Variants in ZDHHC18 observed in about 807,000 individuals in gnomAD.
The protein encoded by ZDHHC18 is zDHHC palmitoyltransferase 18.
A neutral mutation model predicts 37.5 loss-of-function variants in ZDHHC18; 23 were observed. That is an observed-to-expected ratio of 0.61 (90% CI 0.44 to 0.87). The LOEUF is 0.87. Among genes scored for constraint, ZDHHC18 ranks in the 40% least tolerant of loss-of-function variants. The probability of loss-of-function intolerance (pLI) is 0.00; values close to 1 mark genes in which losing one functional copy is unlikely to be tolerated. For missense variants in ZDHHC18, 406 were observed against 525.6 expected, an observed-to-expected ratio of 0.77 and a Z score of 2.22; for synonymous variants, 185 against 218.7, an observed-to-expected ratio of 0.85 and a Z score of 1.36.
At chr1:26,851,612 G>T (rs927624354) in intron 6 of ZDHHC18, among the ~76,000 whole-genome samples, 3 of 152,244 alleles carry the variant, frequency 2.0e-5, no homozygotes, top group African/African-American at 7.2e-5. Flanking sequence ...GGACAGGGAT[G>T]TTTTTTCCCC....
chr1:26,845,481 C>A (rs1237493470), intron 2 of ZDHHC18, among the ~76,000 whole-genome samples: 11 of 150,338 alleles, frequency 7.3e-5, no homozygotes, highest in African/African-American at 2.7e-4. Flanking sequence ...TACAGGCGCC[C>A]ACCACCACAC....
At position 26,832,312 on chromosome 1, in the gene ZDHHC18, C is replaced by G. The variant is rs567855230; in HGVS notation, c.336-135C>G. 1.9e-5 allele frequency: 21 copies of G among 1,081,798 alleles called. No individual in the cohort carries two copies. The South Asian group carries it at 2.9e-4, about 15-fold the overall frequency. 67.0% of individuals were successfully genotyped at this position (1,081,798 alleles called of 1,614,324 possible). A position where few individuals can be genotyped will look rare whatever the true frequency, so the allele number is the denominator to read the frequency against. ...GGCTGCACTCATCAAGGAGCTGTGCCTCTGCCTCAGAGCGAGGCTGTATTC... is the reference window on the plus strand; with the variant it reads ...GGCTGCACTCATCAAGGAGCTGTGCGTCTGCCTCAGAGCGAGGCTGTATTC... On this transcript the variant is annotated intron_variant, in intron 1 of 7. Coordinates refer to ENST00000374142, the MANE Select transcript of ZDHHC18 (RefSeq NM_032283.3).
chr1:26,832,417 C>G lies in ZDHHC18; in HGVS notation c.336-30C>G, dbSNP rs746129318. The G allele has an allele frequency of 6.2e-6, 10 of 1,612,722 alleles. 1 individual carries two copies. Among genetic ancestry groups the G allele is most frequent in the Non-Finnish European group, 8.5e-6 (10 of 1,179,106 alleles). ...GTGCCGCAGGGAGCCCTTGGGGTGT[C>G]TGCTGATCTCTCTCCATCTCTCGTT... On this transcript the variant is annotated intron_variant, in intron 1 of 7. Coordinates refer to ENST00000374142, the MANE Select transcript of ZDHHC18 (RefSeq NM_032283.3).
rs1321900734 is a variant in ZDHHC18, at chr1:26,853,874, T to C, written c.*31T>C. 1.3e-6 allele frequency: 2 copies of C among 1,590,930 alleles called. No homozygotes were observed. Among genetic ancestry groups the C allele is most frequent in the South Asian group, 2.2e-5 (2 of 90,596 alleles). ...GCTCAGTACTTGCCACCTGCTGGCCTGTCTGACCCTCCGCACTCACCTGCC... is the reference window on the plus strand; with the variant it reads ...GCTCAGTACTTGCCACCTGCTGGCCCGTCTGACCCTCCGCACTCACCTGCC... On this transcript the variant is annotated 3_prime_UTR_variant, in exon 8 of 8. Transcript: ENST00000374142.
At chr1:26,844,238 C>T (rs1006665372) in intron 2 of ZDHHC18, among the ~76,000 whole-genome samples, 1 of 152,140 alleles carries the variant, frequency 6.6e-6, no homozygotes, top group Non-Finnish European at 1.5e-5. Context: ...GGGGTTTCAC[C>T]ATGTTGGCCG....
At chr1:26,851,803 C>T (rs549341544) in intron 6 of ZDHHC18, among the ~76,000 whole-genome samples, 1 of 152,310 alleles carries the variant, frequency 6.6e-6, no homozygotes, top group African/African-American at 2.4e-5. Flanking sequence ...TCTCAATATG[C>T]ACGCCTGGGG....
chr1:26,831,165 G>A (rs893809643), intron 1 of ZDHHC18, among the ~76,000 whole-genome samples: 1 of 152,216 alleles, frequency 6.6e-6, no homozygotes, highest in Non-Finnish European at 1.5e-5. Flanking sequence ...AGGAAAGAAA[G>A]AGCATTGAAG....
intron 2 of ZDHHC18, among the ~76,000 whole-genome samples, chr1:26,846,458 C>G (rs2081666867): frequency 6.7e-6 from 1 of 149,250 alleles, no homozygotes; most frequent in Non-Finnish European, 1.5e-5. Flanking sequence ...TCCCGAGTAG[C>G]TGGGACTACA....
At chr1:26,846,076 C>G (rs993724880) in intron 2 of ZDHHC18, among the ~76,000 whole-genome samples, 2 of 151,352 alleles carry the variant, frequency 1.3e-5, no homozygotes, top group South Asian at 2.1e-4. Flanking sequence ...TGCTATATCT[C>G]TGCCTTTTTT....
At chr1:26,846,231 T>TATATGTGTATATAG (rs1553158080) in intron 2 of ZDHHC18, among the ~76,000 whole-genome samples, 2 of 140,566 alleles carry the variant, frequency 1.4e-5, no homozygotes, top group Non-Finnish European at 3.0e-5. Context: ...TATGTGTATA[T>TATATGTGTATATAG]AGAGAGAGAG....
At chr1:26,832,344 T>TTGG in intron 1 of ZDHHC18, 103 bp from the exon 2 acceptor site, 1 of 1,444,078 alleles carries the variant, frequency 6.9e-7, no homozygotes, top group South Asian at 1.3e-5. Context: ...ATTCAAGATT[T>TTGG]TGGTGGTGGT....
rs754612459 is a variant in ZDHHC18, at chr1:26,850,959, G to T, written c.834-170G>T. 6.6e-6 allele frequency among the ~76,000 whole-genome samples: 1 copy of T among 152,118 alleles called. No individual in the cohort carries two copies. ...TCTTGAGTGGGGTCCTGACCCTTCC[G>T]AGGGGCCCAGGAGGTGATCCTGCTA... is the stretch of plus-strand genomic sequence containing the variant. On this transcript the variant is annotated intron_variant, in intron 5 of 7. Transcript: ENST00000374142. The surrounding 1 kb of genome is among the most constrained non-coding windows in gnomAD (Gnocchi z 6.1).
chr1:26,852,995 T>A, intron 7 of ZDHHC18, 130 bp downstream of exon 7: 1 of 704,114 alleles, frequency 1.4e-6, no homozygotes, highest in Non-Finnish European at 2.3e-6. Flanking sequence ...GGAGGGCATT[T>A]GTCATGTGAC....
intron 7 of ZDHHC18, 57 bp from the exon 8 acceptor site, chr1:26,853,669 G>C: frequency 2.6e-6 from 4 of 1,527,008 alleles, no homozygotes; most frequent in Non-Finnish European, 3.6e-6. Context: ...TCCAACCCCT[G>C]GCCTAGAGCC....
At chr1:26,827,672 G>A (rs1341107653) in intron 1 of ZDHHC18, among the ~76,000 whole-genome samples, 1 of 151,990 alleles carries the variant, frequency 6.6e-6, no homozygotes, top group Non-Finnish European at 1.5e-5. Flanking sequence ...TGCCCTCTCC[G>A]GGTCCCTCCA....
At chr1:26,851,100 C>T in intron 5 of ZDHHC18, 29 bp from the exon 6 acceptor site, 1 of 1,601,750 alleles carries the variant, frequency 6.2e-7, no homozygotes, top group South Asian at 1.1e-5. Flanking sequence ...CCCCACCCTC[C>T]ACCCATTGAA....
At chr1:26,832,669 G>C (rs2081593640) in intron 2 of ZDHHC18, 62 bp downstream of exon 2, 2 of 1,579,128 alleles carry the variant, frequency 1.3e-6, no homozygotes, top group Admixed American at 3.6e-5. Flanking sequence ...TGACTTGGGA[G>C]GAGGCCTGGT....
intron 3 of ZDHHC18, among the ~76,000 whole-genome samples, chr1:26,849,406 G>A (rs888858924): frequency 5.3e-5 from 8 of 152,312 alleles, no homozygotes; most frequent in Admixed American, 5.2e-4. Context: ...CAGTGACTGT[G>A]CATAGTTCCC....
At chr1:26,828,194 C>A (rs1380083430) in intron 1 of ZDHHC18, among the ~76,000 whole-genome samples, 2 of 147,756 alleles carry the variant, frequency 1.4e-5, no homozygotes, top group Non-Finnish European at 3.0e-5. Flanking sequence ...CACACACTCA[C>A]ACGCCCACCC....
Sources: gnomAD v4.1 joint callset for allele counts (sites outside exome capture counted in the v4.1 genomes callset) on GRCh38, gnomAD v4.1.1 for gene constraint, Gnocchi (gnomAD v3.1) non-coding constraint, MANE v1.5 for transcripts, NCBI Gene and HGNC (gene_info 2026-07-23, HGNC 2026-07-21) for gene names.